Variants in GLRA2 observed in about 807,000 individuals in gnomAD.
The protein encoded by GLRA2 is glycine receptor alpha 2.
Under a neutral mutation model 31.6 loss-of-function variants are expected in GLRA2, and 11 were observed. That is an observed-to-expected ratio of 0.35 (90% CI 0.22 to 0.58). The LOEUF (loss-of-function observed/expected upper bound fraction) is 0.58, where lower values mean the gene tolerates loss of function less well. Ranked by LOEUF, GLRA2 falls within the 20% of genes least tolerant of loss-of-function variation. The pLI, the probability that GLRA2 is intolerant of heterozygous loss-of-function variation, is 0.84. For missense variants in GLRA2, 212 were observed against 351.8 expected (o/e 0.60, Z 3.18); for synonymous variants, 132 against 134.0 (o/e 0.99, Z 0.10).
chrX:14,452,884 C>T, the GLRA2 span, among the ~76,000 whole-genome samples: 2 of 111,977 alleles, frequency 1.8e-5, no homozygotes, highest in African/African-American at 6.5e-5. Context: ...AGGTTTTCCT[C>T]GCCTTTCTCA....
intron 7 of GLRA2, among the ~76,000 whole-genome samples, chrX:14,626,484 C>T (rs62586495): frequency 2.7e-5 from 3 of 110,888 alleles, no homozygotes; most frequent in Non-Finnish European, 5.7e-5. Flanking sequence ...ATTAGGAATA[C>T]TTTATAATGG....
At chrX:14,579,008 C>T (rs753551708) in intron 3 of GLRA2, among the ~76,000 whole-genome samples, 144 of 112,184 alleles carry the variant, frequency 1.3e-3, no homozygotes, top group African/African-American at 4.5e-3. Context: ...GCTCAGAGAA[C>T]ATCTCCAGAA....
intron 6 of GLRA2, among the ~76,000 whole-genome samples, chrX:14,608,566 A>G (rs904475497): frequency 1.9e-5 from 2 of 105,915 alleles, no homozygotes; most frequent in Non-Finnish European, 4.1e-5. Context: ...ATTATATGCT[A>G]TATAGTATAT....
chrX:14,659,339 G>A (rs943039508), intron 7 of GLRA2, among the ~76,000 whole-genome samples: 2 of 111,393 alleles, frequency 1.8e-5, no homozygotes, highest in African/African-American at 6.5e-5. Flanking sequence ...CCAGAAACAG[G>A]CCAATTCACC....
At chrX:14,491,545 T>G in the GLRA2 span, among the ~76,000 whole-genome samples, 1 of 112,110 alleles carries the variant, frequency 8.9e-6, no homozygotes, top group African/African-American at 3.2e-5. Flanking sequence ...TTCTTAAACT[T>G]CAGAATGCAT....
intron 7 of GLRA2, among the ~76,000 whole-genome samples, chrX:14,673,968 CTG>C (rs900952849): frequency 1.7e-4 from 19 of 112,473 alleles, no homozygotes; most frequent in African/African-American, 6.1e-4. Flanking sequence ...TAAGCACAGT[CTG>C]TGAGTAATTC....
intron 3 of GLRA2, among the ~76,000 whole-genome samples, chrX:14,578,658 TA>T (rs1044732152): frequency 1.8e-5 from 2 of 111,957 alleles, no homozygotes; most frequent in African/African-American, 6.5e-5. Flanking sequence ...CTCTTTTCTT[TA>T]GTTTCTGACG....
At chrX:14,724,626 C>CAAAAAAAAAAAAAAAAA (rs758722703) in intron 8 of GLRA2, among the ~76,000 whole-genome samples, 14 of 49,581 alleles carry the variant, frequency 2.8e-4, no homozygotes, top group Admixed American at 9.5e-4. Context: ...AACTCTGTCT[C>CAAAAAAAAAAAAAAAAA]AAAAAAAAAA....
chrX:14,515,902 C>T, the GLRA2 span, among the ~76,000 whole-genome samples: 1 of 111,586 alleles, frequency 9.0e-6, no homozygotes, highest in Admixed American at 9.5e-5. Flanking sequence ...AAATTTGTTT[C>T]CCCCAACTGA....
intron 7 of GLRA2, among the ~76,000 whole-genome samples, chrX:14,630,590 C>T (rs904007055): frequency 2.7e-5 from 3 of 111,478 alleles, no homozygotes; most frequent in Non-Finnish European, 5.7e-5. Context: ...ACATGTACAT[C>T]AGGCTATTTG....
chrX:14,702,659 G>C (rs1324440195), intron 8 of GLRA2, among the ~76,000 whole-genome samples: 17 of 111,205 alleles, frequency 1.5e-4, no homozygotes, highest in Non-Finnish European at 3.8e-5. Context: ...CACTTCTGTA[G>C]GTCCAAAATG....
chrX:14,471,938 G>T, the GLRA2 span, among the ~76,000 whole-genome samples: 1 of 112,128 alleles, frequency 8.9e-6, no homozygotes, highest in African/African-American at 3.2e-5. Context: ...ATGGTGGACT[G>T]GGAGTGGAGG....
the GLRA2 span, among the ~76,000 whole-genome samples, chrX:14,465,136 G>C: frequency 8.9e-5 from 10 of 112,064 alleles, no homozygotes; most frequent in East Asian, 2.8e-3. Context: ...CCATGAGCAT[G>C]AATGTCTATT....
At chrX:14,677,404 G>C (rs2091155694) in intron 7 of GLRA2, among the ~76,000 whole-genome samples, 1 of 111,341 alleles carries the variant, frequency 9.0e-6, no homozygotes, top group Non-Finnish European at 1.9e-5. Context: ...ACTTTAGTTG[G>C]GTGGATAAAA....
chrX:14,524,262 G>C, the GLRA2 span, among the ~76,000 whole-genome samples: 1 of 112,119 alleles, frequency 8.9e-6, no homozygotes, highest in African/African-American at 3.2e-5. Context: ...CGTTAATATT[G>C]ATATCACAAG....
the GLRA2 span, among the ~76,000 whole-genome samples, chrX:14,469,781 C>A: frequency 9.4e-6 from 1 of 106,291 alleles, no homozygotes; most frequent in Non-Finnish European, 1.9e-5. Flanking sequence ...ACCAGCATGG[C>A]ACGTGTATAC....
chrX:14,492,697 T>C, the GLRA2 span, among the ~76,000 whole-genome samples: 1 of 111,754 alleles, frequency 8.9e-6, no homozygotes, highest in East Asian at 2.8e-4. Context: ...AGTTTGCAGT[T>C]TCTTATAAAG....
chrX:14,686,667 C>T (rs142887091), intron 7 of GLRA2, among the ~76,000 whole-genome samples: 1 of 110,958 alleles, frequency 9.0e-6, no homozygotes, highest in East Asian at 2.8e-4. Context: ...CCATTTGCTT[C>T]GTAGATCTTC....
At chrX:14,689,812 A>G (rs767538077) in intron 7 of GLRA2, among the ~76,000 whole-genome samples, 26 of 111,962 alleles carry the variant, frequency 2.3e-4, no homozygotes, top group Non-Finnish European at 4.3e-4. Flanking sequence ...TCCTCCAATT[A>G]TTTTTCCCTT....
Sources: gnomAD v4.1 joint callset for allele counts (sites outside exome capture counted in the v4.1 genomes callset) on GRCh38, gnomAD v4.1.1 for gene constraint, MANE v1.5 for transcripts, NCBI Gene and HGNC (gene_info 2026-07-23, HGNC 2026-07-21) for gene names.